COL5A2: variants seen among roughly 807,000 people sequenced by gnomAD.
The protein encoded by COL5A2 is collagen alpha-2(V) chain.
In COL5A2, 23 loss-of-function variants were observed where a neutral mutation model predicts 208.2. The observed-to-expected ratio is 0.11, with a 90% CI of 0.08 to 0.16. The LOEUF (loss-of-function observed/expected upper bound fraction) is 0.16, where lower values mean the gene tolerates loss of function less well. Among genes scored for constraint, COL5A2 ranks in the 10% least tolerant of loss-of-function variants. The probability of loss-of-function intolerance (pLI) is 1.00; values close to 1 mark genes in which losing one functional copy is unlikely to be tolerated. For synonymous variants in COL5A2, 625 were observed against 628.5 expected, an observed-to-expected ratio of 0.99 and a Z score of 0.08; for missense variants, 1,590 against 1,956.4, an observed-to-expected ratio of 0.81 and a Z score of 3.53.
At chr2:189,217,736 A>G (rs1689297290) in intron 1 of COL5A2, among the ~76,000 whole-genome samples, 1 of 152,140 alleles carries the variant, frequency 6.6e-6, no homozygotes, top group Admixed American at 6.5e-5. Flanking sequence ...TGGTCCAGAC[A>G]GGCCTGGTAT....
chr2:189,437,229 T>G, the COL5A2 span, among the ~76,000 whole-genome samples: 1 of 152,204 alleles, frequency 6.6e-6, no homozygotes, highest in Admixed American at 6.5e-5. Flanking sequence ...AGCACGTGGC[T>G]GGCCCGTGGG....
At chr2:189,035,203 T>C in intron 52 of COL5A2, 48 bp from the exon 53 acceptor site, 1 of 1,612,438 alleles carries the variant, frequency 6.2e-7, no homozygotes, top group African/African-American at 1.3e-5. Flanking sequence ...AAGGGTTTCA[T>C]AATGCCTTAC....
At chr2:189,058,766 T>C (rs1029185679) in intron 32 of COL5A2, 83 bp downstream of exon 32, 104 of 1,263,180 alleles carry the variant, frequency 8.2e-5, no homozygotes, top group Admixed American at 1.6e-4. Context: ...TTAAAATAAA[T>C]CCCAGTTTAA....
chr2:189,245,578 G>C, the COL5A2 span, among the ~76,000 whole-genome samples: 2 of 150,578 alleles, frequency 1.3e-5, no homozygotes, highest in Admixed American at 1.3e-4. Context: ...TCCGCCTCCC[G>C]GGTTCACGCC....
intron 1 of COL5A2, among the ~76,000 whole-genome samples, chr2:189,114,631 T>TAAA (rs1184564981): frequency 0.046 from 5,640 of 122,802 alleles, 158 homozygotes; most frequent in East Asian, 0.11. Context: ...GCCCAGGACT[T>TAAA]AAAAAAAAAA....
chr2:189,183,886 T>C (rs762642972), upstream of COL5A2, among the ~76,000 whole-genome samples: 87 of 152,198 alleles, frequency 5.7e-4, no homozygotes, highest in Non-Finnish European at 1.1e-3. Flanking sequence ...TAAAGCAGTT[T>C]CACACCTCAT....
the COL5A2 span, among the ~76,000 whole-genome samples, chr2:189,358,204 T>C: frequency 6.6e-6 from 1 of 152,004 alleles, no homozygotes; most frequent in Non-Finnish European, 1.5e-5. Context: ...TTACTGAATA[T>C]TTTAAGCCCA....
chr2:189,289,650 G>T, the COL5A2 span, among the ~76,000 whole-genome samples: 1 of 152,084 alleles, frequency 6.6e-6, no homozygotes, highest in Admixed American at 6.6e-5. Flanking sequence ...AGACTCCACG[G>T]AGAAAGCTGC....
chr2:189,220,529 C>T (rs1689335958), intron 1 of COL5A2, among the ~76,000 whole-genome samples: 1 of 151,434 alleles, frequency 6.6e-6, no homozygotes, highest in Non-Finnish European at 1.5e-5. Context: ...CCAATCACTT[C>T]CACATTAGCC....
At chr2:189,329,439 G>A in the COL5A2 span, among the ~76,000 whole-genome samples, 1 of 152,118 alleles carries the variant, frequency 6.6e-6, no homozygotes, top group Non-Finnish European at 1.5e-5. Context: ...ATAATGTACT[G>A]TATAATTGAA....
chr2:189,135,989 A>T (rs1408602101), intron 1 of COL5A2, among the ~76,000 whole-genome samples: 2 of 152,172 alleles, frequency 1.3e-5, no homozygotes, highest in Non-Finnish European at 2.9e-5. Context: ...ATCAGCAGAG[A>T]AAGAGGTCCA....
At chr2:189,107,760 A>G (rs1205279006) in intron 2 of COL5A2, among the ~76,000 whole-genome samples, 1 of 151,564 alleles carries the variant, frequency 6.6e-6, no homozygotes, top group African/African-American at 2.4e-5. Flanking sequence ...AAAGATTTAT[A>G]TATTAGTTCT....
intron 46 of COL5A2, 22 bp downstream of exon 46, chr2:189,045,778 G>T: frequency 6.3e-7 from 1 of 1,595,454 alleles, no homozygotes; most frequent in Non-Finnish European, 8.6e-7. Flanking sequence ...AACTGTCAGT[G>T]TGAAATTGAC....
At chr2:189,430,633 G>C in the COL5A2 span, among the ~76,000 whole-genome samples, 4 of 152,224 alleles carry the variant, frequency 2.6e-5, no homozygotes, top group African/African-American at 9.6e-5. Context: ...GGCTGGAGGA[G>C]GGGCATCCTC....
the COL5A2 span, among the ~76,000 whole-genome samples, chr2:189,406,507 C>A: frequency 2.0e-5 from 3 of 152,114 alleles, no homozygotes; most frequent in African/African-American, 7.2e-5. Context: ...TTGTACCCCT[C>A]CTTATTCTAA....
intron 1 of COL5A2, among the ~76,000 whole-genome samples, chr2:189,208,098 A>G (rs964194042): frequency 1.3e-5 from 2 of 151,960 alleles, no homozygotes; most frequent in South Asian, 2.1e-4. Context: ...AATCCTCTCA[A>G]CTCCCCTCTT....
At chr2:189,100,182 T>A in intron 3 of COL5A2, 43 bp from the exon 4 acceptor site, 1 of 1,551,510 alleles carries the variant, frequency 6.4e-7, no homozygotes. Flanking sequence ...TAGCACAATA[T>A]AATGGCTTGC....
intron 1 of COL5A2, among the ~76,000 whole-genome samples, chr2:189,156,704 C>A (rs2105795465): frequency 6.6e-6 from 1 of 152,210 alleles, no homozygotes; most frequent in Admixed American, 6.5e-5. Context: ...CATTTCTCAA[C>A]TATGTTTTTG....
In COL5A2 at chr2:189,091,645, A is replaced by T. The variant is rs184103682; in HGVS notation, c.567+665T>A. ...ACAGACTATATTGTGGAAAAACATA[A>T]GTTTATATGCACTGGGAAACAAAAA... On this transcript the variant is annotated intron_variant, in intron 7 of 53. Coordinates refer to ENST00000374866, the MANE Select transcript of COL5A2 (RefSeq NM_000393.5). 5.2e-3 allele frequency among the ~76,000 whole-genome samples: 785 copies of T among 152,302 alleles called. 9 individuals are homozygous for T. The highest frequency in any genetic ancestry group is 0.016 in the South Asian group (78 of 4,826).
Sources: allele counts gnomAD v4.1 joint callset (sites outside exome capture counted in the v4.1 genomes callset), GRCh38; gene constraint gnomAD v4.1.1; transcripts MANE v1.5; gene names NCBI Gene and HGNC (gene_info 2026-07-23, HGNC 2026-07-21).